SLC29A2: variants seen among roughly 807,000 people sequenced by gnomAD.
SLC29A2 encodes the protein solute carrier family 29 member 2.
Under a neutral mutation model 48.8 loss-of-function variants are expected in SLC29A2, and 37 were observed. That is an observed-to-expected ratio of 0.76 (90% CI 0.58 to 1.00). The LOEUF (loss-of-function observed/expected upper bound fraction) is 1.00. Ranked by LOEUF, SLC29A2 falls within the 50% of genes least tolerant of loss-of-function variation. SLC29A2 has a pLI of 0.00. For missense variants in SLC29A2, 533 were observed against 578.6 expected (o/e 0.92, Z 0.81); for synonymous variants, 233 against 261.7 (o/e 0.89, Z 1.06).
Position 66,367,764 on chromosome 11 carries a change from A to T in SLC29A2, c.648+8T>A. 2 of 1,612,332 alleles carry T rather than the reference A, an allele frequency of 1.2e-6. No homozygotes were observed. Among genetic ancestry groups the T allele is most frequent in the African/African-American group, 2.7e-5 (2 of 75,010 alleles). On this transcript the variant is annotated splice_region_variant and intron_variant, in intron 6 of 11. Transcript: ENST00000357440. ...GAGGTGGGGCCTCGAGCCCAACAGC[A>T]GGCTCACCAGGTGAGGCAGGCTCAG...
At chr11:66,370,249 G>A (rs1038821939) in intron 2 of SLC29A2, among the ~76,000 whole-genome samples, 2 of 152,206 alleles carry the variant, frequency 1.3e-5, no homozygotes, top group Non-Finnish European at 2.9e-5. Context: ...TGAAGCAGAA[G>A]GAACTTTCTC....
In SLC29A2 at chr11:66,369,539, G is replaced by C. The variant is rs1207495989; in HGVS notation, c.112-7C>G. ...CCAGTCGCGCCTGGAAGTACTGCCA[G>C]GTGGGGAGGTGGTGGAGGGTCAGCA... On this transcript the variant is annotated splice_polypyrimidine_tract_variant and splice_region_variant and intron_variant, in intron 2 of 11. Transcript: ENST00000357440. The C allele has an allele frequency of 6.2e-7, 1 of 1,613,554 alleles. No individual in the cohort carries two copies. Among genetic ancestry groups the C allele is most frequent in the Non-Finnish European group, 8.5e-7 (1 of 1,179,858 alleles).
At chr11:66,364,451 G>A in intron 10 of SLC29A2, 27 bp from the exon 11 acceptor site, 2 of 1,581,522 alleles carry the variant, frequency 1.3e-6, no homozygotes, top group Non-Finnish European at 1.7e-6. Flanking sequence ...AGTCAGCATG[G>A]TCCCTGGAGC....
chr11:66,369,183 G>A lies in SLC29A2; in HGVS notation c.292C>T (p.Arg98Cys), dbSNP rs1194398197. ...ATGGCCAGCAGGCTGCCCAGAATGCGCACCGTCTCCGGGACGCTGCTCAGA... is the reference window on the plus strand; with the variant it reads ...ATGGCCAGCAGGCTGCCCAGAATGCACACCGTCTCCGGGACGCTGCTCAGA... Reference protein sequence around the residue: ...FLYQCVPETVRILGSLLAILL... With the variant: ...FLYQCVPETVCILGSLLAILL... Residue 98 changes from arginine to cysteine, a missense_variant, in exon 4 of 12, where the codon CGC becomes TGC. Arg to Cys is a radical substitution (Grantham distance 180). Transcript: ENST00000357440. The A allele has an allele frequency of 1.0e-5, 16 of 1,575,430 alleles. No individual in the cohort carries two copies. Among genetic ancestry groups the A allele is most frequent in the Middle Eastern group, 1.8e-4 (1 of 5,600 alleles).
Position 66,363,056 on chromosome 11 carries a change from GCTCCT to G in SLC29A2, c.*375_*379del. 1 of 302,250 alleles carries G rather than the reference GCTCCT, an allele frequency of 3.3e-6. No homozygotes were observed. Among genetic ancestry groups the G allele is most frequent in the Non-Finnish European group, 6.5e-6 (1 of 153,724 alleles). The allele number at this position is 302,250 out of a possible 1,614,324, so 18.7% of individuals were successfully genotyped here. ...TGGCTGAGGCCTGGGAAGATGAGGCGCTCCTGGCCTGGGCTGGCCCCGCCTCCCAC... is the reference window on the plus strand; with the variant it reads ...TGGCTGAGGCCTGGGAAGATGAGGCGGGCCTGGGCTGGCCCCGCCTCCCAC... On this transcript the variant is annotated 3_prime_UTR_variant, in exon 12 of 12. Coordinates refer to ENST00000357440, the MANE Select transcript of SLC29A2 (RefSeq NM_001532.3).
intron 9 of SLC29A2, 28 bp from the exon 10 acceptor site, chr11:66,366,049 C>G: frequency 6.2e-7 from 1 of 1,611,764 alleles, no homozygotes; most frequent in Non-Finnish European, 8.5e-7. Context: ...GCAGCTCATA[C>G]TGGTCTCCAA....
chr11:66,371,691 G>T lies in SLC29A2; in HGVS notation c.-100C>A. Reference sequence around the variant, plus strand: ...CGCAGACCGGTGGGGCGGGGGGCGGGTCTCCCCAGATTCCGGTGCAGGGCG... The same window carrying T: ...CGCAGACCGGTGGGGCGGGGGGCGGTTCTCCCCAGATTCCGGTGCAGGGCG... On this transcript the variant is annotated 5_prime_UTR_variant, in exon 1 of 12. Transcript: ENST00000357440. 1.6e-6 allele frequency: 2 copies of T among 1,226,534 alleles called. No homozygotes were observed. The highest frequency in any genetic ancestry group is 2.3e-6 in the Non-Finnish European group (2 of 881,984). The allele number at this position is 1,226,534 out of a possible 1,614,324, so 76.0% of individuals were successfully genotyped here. A position where few individuals can be genotyped will look rare whatever the true frequency, so the allele number is the denominator to read the frequency against.
At position 66,371,609 on chromosome 11, in the gene SLC29A2, C is replaced by T. The variant is rs751780527; in HGVS notation, c.-18G>A. On this transcript the variant is annotated 5_prime_UTR_variant, in exon 1 of 12. Transcript: ENST00000357440. ...CGCGCCATGGCCGCCGCGGCGGATG[C>T]GCCTGGGGTGAAAGGGGCAGAGAAG... 8 of 1,546,156 alleles carry T rather than the reference C, an allele frequency of 5.2e-6. No homozygotes were observed. Among genetic ancestry groups the T allele is most frequent in the South Asian group, 2.4e-5 (2 of 84,376 alleles).
chr11:66,365,859 A>T, intron 10 of SLC29A2, 77 bp downstream of exon 10: 1 of 1,375,196 alleles, frequency 7.3e-7, no homozygotes, highest in Non-Finnish European at 1.0e-6. Context: ...CCAGAAAATC[A>T]CCTCCATGCT....
chr11:66,366,341 C>T (rs1590652705), intron 8 of SLC29A2, 90 bp downstream of exon 8: 5 of 1,608,364 alleles, frequency 3.1e-6, no homozygotes, highest in Non-Finnish European at 4.3e-6. Flanking sequence ...CAGCTGTGTC[C>T]CTGACCCACT....
chr11:66,363,367 C>A lies in SLC29A2; in HGVS notation c.*69G>T. 3.1e-6 allele frequency: 4 copies of A among 1,303,880 alleles called. No homozygotes were observed. Among genetic ancestry groups the A allele is most frequent in the Non-Finnish European group, 4.4e-6 (4 of 906,350 alleles). The allele number at this position is 1,303,880 out of a possible 1,614,324, so 80.8% of individuals were successfully genotyped here. A position where few individuals can be genotyped will look rare whatever the true frequency, so the allele number is the denominator to read the frequency against. Reference sequence around the variant, plus strand: ...GGCCTGAGCCAAGCTCGCCATTCGCCCTGGGCTGGATCTCAGCTCCGGAAG... The same window carrying A: ...GGCCTGAGCCAAGCTCGCCATTCGCACTGGGCTGGATCTCAGCTCCGGAAG... On this transcript the variant is annotated 3_prime_UTR_variant, in exon 12 of 12. Coordinates refer to ENST00000357440, the MANE Select transcript of SLC29A2 (RefSeq NM_001532.3).
At chr11:66,364,503 CTTTTTTT>C in intron 10 of SLC29A2, 79 bp from the exon 11 acceptor site, 9 of 654,638 alleles carry the variant, frequency 1.4e-5, no homozygotes, top group East Asian at 3.0e-5. Context: ...CCATAGAGTA[CTTTTTTT>C]TTTTTTTTTT....
At chr11:66,370,328 A>C (rs1478855812) in intron 2 of SLC29A2, among the ~76,000 whole-genome samples, 1 of 152,218 alleles carries the variant, frequency 6.6e-6, no homozygotes, top group Non-Finnish European at 1.5e-5. Context: ...CATTATTAAT[A>C]GCTCTTTGGC....
intron 2 of SLC29A2, among the ~76,000 whole-genome samples, chr11:66,370,852 CTG>C: frequency 9.8e-6 from 1 of 102,156 alleles, no homozygotes; most frequent in African/African-American, 3.9e-5. Context: ...GAGCCAGACT[CTG>C]TCTCAAAAAA....
upstream of SLC29A2, chr11:66,371,978 A>G: frequency 3.2e-6 from 1 of 308,814 alleles, no homozygotes; most frequent in Non-Finnish European, 6.1e-6. Context: ...GGCGGAGGGG[A>G]AGGCGGGGGT....
At position 66,369,457 on chromosome 11, in the gene SLC29A2, CCTCGGGACCCGTGTGGTTGGTG is replaced by C; in HGVS notation, c.165_186del (p.Ser55ArgfsTer10). 1 of 1,614,102 alleles carries C rather than the reference CCTCGGGACCCGTGTGGTTGGTG, an allele frequency of 6.2e-7. No individual in the cohort carries two copies. Among genetic ancestry groups the C allele is most frequent in the South Asian group, 1.1e-5 (1 of 91,084 alleles). On this transcript the variant is annotated frameshift_variant, in exon 3 of 12. Coordinates refer to ENST00000357440, the MANE Select transcript of SLC29A2 (RefSeq NM_001532.3). LOFTEE classifies it high-confidence loss of function. The stretch of plus-strand genomic sequence containing the variant: ...ACCCAATTGTTGAAGTTGAAGGCAT[CCTCGGGACCCGTGTGGTTGGTG>C]CTCAGGATCCTGGCTGTGCTGTTGC...
rs1049725339 is a variant in SLC29A2 at position 66,368,619 on chromosome 11, G to A, written c.468C>T (p.Pro156=). 1.2e-6 allele frequency: 2 copies of A among 1,606,152 alleles called. No homozygotes were observed. The highest frequency in any genetic ancestry group is 1.7e-6 in the Non-Finnish European group (2 of 1,176,502). Residue 156 remains proline (P), a synonymous_variant, in exon 5 of 12, where the codon CCC becomes CCT. Transcript: ENST00000357440. ...GSLFGQLGTM[P]STYSTLFLSG... ...TGAGGAAGAGGGTGCTGTAGGTGGA[G>A]GGCATGGTGCCCAGCTGCCCGAAGA...
intron 10 of SLC29A2, among the ~76,000 whole-genome samples, 198 bp downstream of exon 10, chr11:66,365,738 T>C (rs1855649941): frequency 6.6e-6 from 1 of 152,248 alleles, no homozygotes; most frequent in Non-Finnish European, 1.5e-5. Context: ...CAGCTGGACA[T>C]GATTTTTGCT....
rs369187584 is a variant in SLC29A2 at position 66,367,751 on chromosome 11, C to G, written c.648+21G>C. The stretch of plus-strand genomic sequence containing the variant: ...TCCAAGATGCTTTGAGGTGGGGCCT[C>G]GAGCCCAACAGCAGGCTCACCAGGT... On this transcript the variant is annotated intron_variant, in intron 6 of 11. Transcript: ENST00000357440. 34 of 1,605,848 alleles carry G rather than the reference C, an allele frequency of 2.1e-5. No homozygotes were observed. In the African/African-American group the frequency reaches 3.2e-4, roughly 15 times the overall value.
Sources: allele counts gnomAD v4.1 joint callset (sites outside exome capture counted in the v4.1 genomes callset), GRCh38; gene constraint gnomAD v4.1.1; transcripts MANE v1.5; gene names NCBI Gene and HGNC (gene_info 2026-07-23, HGNC 2026-07-21).